ATP8B4: variants seen among roughly 807,000 people sequenced by gnomAD.
The protein encoded by ATP8B4 is probable phospholipid-transporting ATPase IM.
Under a neutral mutation model 145.6 loss-of-function variants are expected in ATP8B4, and 133 were observed. The ratio of observed to expected loss-of-function variants is 0.91; its 90% CI spans 0.79 to 1.05. The LOEUF (loss-of-function observed/expected upper bound fraction) is 1.05, where lower values mean the gene tolerates loss of function less well. Among genes scored for constraint, ATP8B4 ranks in the 50% least tolerant of loss-of-function variants. ATP8B4 has a pLI of 0.00. For missense variants in ATP8B4, 1,458 were observed against 1,425.2 expected (o/e 1.02, Z -0.37); for synonymous variants, 507 against 492.9 (o/e 1.03, Z -0.38).
Position 50,075,973 on chromosome 15 carries a change from C to G in ATP8B4, c.29-1788G>C, listed in dbSNP as rs180736229. Among the ~76,000 whole-genome samples, 941 of 152,232 alleles carry G rather than the reference C, an allele frequency of 6.2e-3. 9 individuals carry two copies. Among genetic ancestry groups the G allele is most frequent in the African/African-American group, 0.022 (912 of 41,528 alleles). On this transcript the variant is annotated intron_variant, in intron 2 of 27. Coordinates refer to ENST00000284509, the MANE Select transcript of ATP8B4 (RefSeq NM_024837.4). ...TCTTCCTGCATGGCAAAAGGTTAAC[C>G]TGGACCACTGGTATGCTGCATGTAA... is the stretch of plus-strand genomic sequence containing the variant.
chr15:49,865,798 C>G (rs2032690551), intron 26 of ATP8B4, among the ~76,000 whole-genome samples: 1 of 152,188 alleles, frequency 6.6e-6, no homozygotes. Flanking sequence ...CAAAGTCACA[C>G]AGCTTGTTAA....
chr15:50,111,898 TG>T (rs1195526374), intron 1 of ATP8B4, among the ~76,000 whole-genome samples: 2 of 152,020 alleles, frequency 1.3e-5, no homozygotes, highest in African/African-American at 4.8e-5. Context: ...CTGGGCGGGG[TG>T]GCTCATGCCT....
At chr15:50,176,351 G>A (rs1234536891) in intron 1 of ATP8B4, among the ~76,000 whole-genome samples, 1 of 151,926 alleles carries the variant, frequency 6.6e-6, no homozygotes, top group Non-Finnish European at 1.5e-5. Context: ...TAATACAATG[G>A]ACTTTGGGGA....
intron 20 of ATP8B4, among the ~76,000 whole-genome samples, chr15:49,902,451 C>G (rs2038140761): frequency 6.6e-6 from 1 of 152,150 alleles, no homozygotes; most frequent in Non-Finnish European, 1.5e-5. Flanking sequence ...AAAAATGATA[C>G]AAAAAGATAC....
chr15:49,942,841 A>C (rs1036030712), intron 14 of ATP8B4, among the ~76,000 whole-genome samples: 3 of 152,052 alleles, frequency 2.0e-5, no homozygotes, highest in African/African-American at 7.2e-5. Context: ...ATAAAAAATA[A>C]AATAAAAAGA....
intron 6 of ATP8B4, among the ~76,000 whole-genome samples, chr15:50,014,536 T>G (rs892877265): frequency 6.6e-6 from 1 of 152,224 alleles, no homozygotes; most frequent in Non-Finnish European, 1.5e-5. Flanking sequence ...TTCCAGGGAC[T>G]GTACTGATCC....
chr15:49,907,598 T>G (rs139140297), intron 20 of ATP8B4, among the ~76,000 whole-genome samples: 17 of 152,310 alleles, frequency 1.1e-4, no homozygotes, highest in Admixed American at 5.9e-4. Flanking sequence ...AAGATGCGCA[T>G]GGAACAGTCA....
intron 2 of ATP8B4, among the ~76,000 whole-genome samples, chr15:50,099,795 T>C (rs898736935): frequency 6.6e-6 from 1 of 152,064 alleles, no homozygotes; most frequent in African/African-American, 2.4e-5. Flanking sequence ...TCCCAGCACT[T>C]TGGGAGGCCG....
Position 49,979,786 on chromosome 15 carries a change from T to C in ATP8B4, c.865A>G (p.Ile289Val). 1 of 1,598,806 alleles carries C rather than the reference T, an allele frequency of 6.3e-7. No homozygotes were observed. The highest frequency in any genetic ancestry group is 8.5e-7 in the Non-Finnish European group (1 of 1,171,486). ...ATTGAATTTCCTATTGCAAGAATAA[T>C]TCCCAAGCATATCAGAAACCCAAAA... is the stretch of plus-strand genomic sequence containing the variant. ...WIFGFLICLG[I>V]ILAIGNSIWE... is the part of the protein sequence containing the mutation. Residue 289 changes from isoleucine to valine, a missense_variant, in exon 12 of 28, where the codon ATT (isoleucine) becomes GTT (valine). Physicochemically the swap from Ile to Val is conservative, Grantham distance 29. Transcript: ENST00000284509.
chr15:49,942,432 A>G (rs1567041573), intron 14 of ATP8B4, among the ~76,000 whole-genome samples: 1 of 152,026 alleles, frequency 6.6e-6, no homozygotes, highest in Non-Finnish European at 1.5e-5. Context: ...TATTTAGAAA[A>G]TCAGCAGAAA....
intron 11 of ATP8B4, among the ~76,000 whole-genome samples, chr15:49,980,380 CTTTATAT>C (rs527839064): frequency 8.1e-4 from 124 of 152,222 alleles, no homozygotes; most frequent in African/African-American, 2.9e-3. Flanking sequence ...AAGTCACAGT[CTTTATAT>C]TTTAAAGTGG....
chr15:50,002,126 C>A (rs1272288295), intron 8 of ATP8B4, 27 bp downstream of exon 8: 1 of 1,559,498 alleles, frequency 6.4e-7, no homozygotes, highest in Non-Finnish European at 8.8e-7. Flanking sequence ...AAAAACCAAC[C>A]AAATTATTCT....
At chr15:49,884,641 C>T (rs2035949280) in intron 23 of ATP8B4, among the ~76,000 whole-genome samples, 1 of 150,694 alleles carries the variant, frequency 6.6e-6, no homozygotes, top group Non-Finnish European at 1.5e-5. Flanking sequence ...AGAAAGTTTC[C>T]TTGAAGGCTT....
chr15:49,930,621 C>T (rs1040589283), intron 16 of ATP8B4, among the ~76,000 whole-genome samples: 9 of 152,114 alleles, frequency 5.9e-5, no homozygotes, highest in African/African-American at 1.9e-4. Flanking sequence ...GAAACTCATC[C>T]GGAGCCAGTA....
At chr15:50,086,675 TTA>T (rs2055129014) in intron 2 of ATP8B4, among the ~76,000 whole-genome samples, 1 of 111,280 alleles carries the variant, frequency 9.0e-6, no homozygotes, top group Non-Finnish European at 1.6e-5. Flanking sequence ...TCTATATTTA[TTA>T]TATATAATAA....
intron 6 of ATP8B4, among the ~76,000 whole-genome samples, chr15:50,035,961 C>A (rs958039095): frequency 1.3e-5 from 2 of 152,200 alleles, no homozygotes; most frequent in Non-Finnish European, 2.9e-5. Context: ...CCCACCCCAG[C>A]AACTCCTGGA....
At chr15:50,077,456 G>C (rs2054256179) in intron 2 of ATP8B4, among the ~76,000 whole-genome samples, 1 of 152,082 alleles carries the variant, frequency 6.6e-6, no homozygotes, top group African/African-American at 2.4e-5. Context: ...ATTTTGACTG[G>C]GAGAAAAAAG....
chr15:50,121,741 T>G (rs2057272670), upstream of ATP8B4, among the ~76,000 whole-genome samples: 1 of 152,160 alleles, frequency 6.6e-6, no homozygotes, highest in Non-Finnish European at 1.5e-5. Context: ...AGGCAGTATG[T>G]GCACTGTCAG....
chr15:49,939,632 C>G (rs1207773088), intron 14 of ATP8B4, among the ~76,000 whole-genome samples: 1 of 152,040 alleles, frequency 6.6e-6, no homozygotes, highest in African/African-American at 2.4e-5. Flanking sequence ...ACCAAAAATA[C>G]GTTCAGACCA....
Sources: allele counts gnomAD v4.1 joint callset (sites outside exome capture counted in the v4.1 genomes callset), GRCh38; gene constraint gnomAD v4.1.1; transcripts MANE v1.5; gene names NCBI Gene and HGNC (gene_info 2026-07-23, HGNC 2026-07-21).